The following SLC9A1 variants were observed in gnomAD, a reference collection of about 807,000 sequenced individuals.
The protein encoded by SLC9A1 is sodium/hydrogen exchanger 1.
Under a neutral mutation model 67.9 loss-of-function variants are expected in SLC9A1, and 22 were observed. That is an observed-to-expected ratio of 0.32 (90% CI 0.23 to 0.46). The LOEUF (loss-of-function observed/expected upper bound fraction) is 0.46. Ranked by LOEUF, SLC9A1 falls within the 20% of genes least tolerant of loss-of-function variation. The pLI, the probability that SLC9A1 is intolerant of heterozygous loss-of-function variation, is 1.00. For missense variants in SLC9A1, 686 were observed against 1,094.8 expected (o/e 0.63, Z 5.27); for synonymous variants, 421 against 471.8 (o/e 0.89, Z 1.40).
chr1:27,144,986 T>G (rs905647482), intron 1 of SLC9A1, among the ~76,000 whole-genome samples: 2 of 150,864 alleles, frequency 1.3e-5, no homozygotes, highest in Admixed American at 6.6e-5. Flanking sequence ...GAGGCAGAAG[T>G]TGCAGTGAGC....
intron 1 of SLC9A1, among the ~76,000 whole-genome samples, chr1:27,125,559 T>G (rs1018201184): frequency 6.8e-6 from 1 of 147,974 alleles, no homozygotes; most frequent in Non-Finnish European, 1.5e-5. Context: ...ATATCCACTC[T>G]TGCCCCCCAG....
At chr1:27,133,938 T>C (rs2083402805) in intron 1 of SLC9A1, among the ~76,000 whole-genome samples, 1 of 151,986 alleles carries the variant, frequency 6.6e-6, no homozygotes, top group Admixed American at 6.6e-5. Flanking sequence ...CTAATTTTTG[T>C]ATTTTTAGTA....
chr1:27,135,190 C>T (rs2083411788), intron 1 of SLC9A1, among the ~76,000 whole-genome samples: 2 of 152,122 alleles, frequency 1.3e-5, no homozygotes, highest in African/African-American at 4.8e-5. Context: ...GCTGGGACCA[C>T]AGGCCTGTGC....
At chr1:27,131,947 A>AAAAT in intron 1 of SLC9A1, among the ~76,000 whole-genome samples, 89 of 52,118 alleles carry the variant, frequency 1.7e-3, no homozygotes, top group Middle Eastern at 0.011. Context: ...AGAAAAAAAA[A>AAAAT]ATATATATAT....
Position 27,126,092 on chromosome 1 carries a change from T to G in SLC9A1, c.353-11806A>C, listed in dbSNP as rs185993482. ...CCTGTGCCTGAGACACTATTCCCCA[T>G]GTAGGTGAATGACAGATTCCCTCCC... On this transcript the variant is annotated intron_variant, in intron 1 of 11. Coordinates refer to ENST00000263980, the MANE Select transcript of SLC9A1 (RefSeq NM_003047.5). 3.9e-5 allele frequency among the ~76,000 whole-genome samples: 6 copies of G among 152,250 alleles called. No individual in the cohort carries two copies. In the East Asian group the frequency reaches 1.2e-3, roughly 29 times the overall value.
rs1402170163 is a variant in SLC9A1 at position 27,114,195 on chromosome 1, A to T, written c.444T>A (p.Gly148=). The T allele has an allele frequency of 1.2e-6, 2 of 1,613,940 alleles. No individual in the cohort carries two copies. Among genetic ancestry groups the T allele is most frequent in the Admixed American group, 3.3e-5 (2 of 60,014 alleles). The change falls in exon 2 of 12, where the codon GGT becomes GGA. Residue 148 remains glycine (G), a synonymous_variant. Transcript: ENST00000263980. This position sits in a 1 kb window ranked among gnomAD's most constrained non-coding sequence, Gnocchi z 5.4. The stretch of plus-strand genomic sequence containing the variant: ...GCAGGAAGGGGGGTGTCTCGCCTAC[A>T]CCCTTGATCAGGCCCCCCACCAGCA... ...VGLLVGGLIK[G]VGETPPFLQS... is the part of the protein sequence containing the mutation.
At chr1:27,148,941 A>C (rs2083507072) in intron 1 of SLC9A1, among the ~76,000 whole-genome samples, 2 of 152,194 alleles carry the variant, frequency 1.3e-5, no homozygotes, top group African/African-American at 4.8e-5. Context: ...AGCAGGGAAG[A>C]AGCAAGCTCT....
chr1:27,145,041 G>C (rs1443599544), intron 1 of SLC9A1, among the ~76,000 whole-genome samples: 8 of 137,434 alleles, frequency 5.8e-5, no homozygotes, highest in Non-Finnish European at 1.1e-4. Context: ...CAGGCGAAGA[G>C]CAAGACTCCA....
rs1254518286 is a variant in SLC9A1, at chr1:27,099,579, T to TGTGTTTTTTTGTGTGAACAAAAA, written c.*727_*728insTTTTTGTTCACACAAAAAAACAC. 2.0e-5 allele frequency: 3 copies of TGTGTTTTTTTGTGTGAACAAAAA among 152,522 alleles called. No individual in the cohort carries two copies. Among genetic ancestry groups the TGTGTTTTTTTGTGTGAACAAAAA allele is most frequent in the Non-Finnish European group, 2.9e-5 (2 of 68,106 alleles). The allele number at this position is 152,522 out of a possible 1,614,324, so 9.4% of individuals were successfully genotyped here. A position where few individuals can be genotyped will look rare whatever the true frequency, so the allele number is the denominator to read the frequency against. On this transcript the variant is annotated 3_prime_UTR_variant, in exon 12 of 12. Transcript: ENST00000263980. Reference sequence around the variant, plus strand: ...TATAGGAGTGTGAACAAACAAAACTTAAAAAGGCAGCACATTCTGGAGCCA... The same window carrying TGTGTTTTTTTGTGTGAACAAAAA: ...TATAGGAGTGTGAACAAACAAAACTTGTGTTTTTTTGTGTGAACAAAAAAAAAAGGCAGCACATTCTGGAGCCA...
At chr1:27,126,210 T>C (rs2083342904) in intron 1 of SLC9A1, among the ~76,000 whole-genome samples, 1 of 152,152 alleles carries the variant, frequency 6.6e-6, no homozygotes, top group South Asian at 2.1e-4. Context: ...GACGTCTAGA[T>C]GTGCTTTCTG....
intron 1 of SLC9A1, among the ~76,000 whole-genome samples, chr1:27,123,834 A>T (rs930373153): frequency 9.5e-5 from 13 of 136,948 alleles, no homozygotes; most frequent in African/African-American, 1.9e-4. Context: ...TTAAAAAAAA[A>T]TTTTTTTTTT....
intron 1 of SLC9A1, among the ~76,000 whole-genome samples, chr1:27,151,644 G>A (rs533765544): frequency 2.6e-5 from 4 of 152,298 alleles, no homozygotes; most frequent in South Asian, 2.1e-4. Flanking sequence ...GATTACAGGC[G>A]TGAGCCACTG....
In SLC9A1 at chr1:27,154,373, G is replaced by T; in HGVS notation, c.-39C>A. 1 of 1,422,410 alleles carries T rather than the reference G, an allele frequency of 7.0e-7. No individual in the cohort carries two copies. The highest frequency in any genetic ancestry group is 9.6e-7 in the Non-Finnish European group (1 of 1,043,384). 88.1% of individuals were successfully genotyped at this position (1,422,410 alleles called of 1,614,324 possible). A position where few individuals can be genotyped will look rare whatever the true frequency, so the allele number is the denominator to read the frequency against. On this transcript the variant is annotated 5_prime_UTR_variant, in exon 1 of 12. The change creates a premature stop within an existing upstream ORF in the 5' untranslated region. Coordinates refer to ENST00000263980, the MANE Select transcript of SLC9A1 (RefSeq NM_003047.5). The stretch of plus-strand genomic sequence containing the variant: ...GAGCCAGCCTCGACCTTACCCAAAT[G>T]AGAGTAAAACCGGGCACATAGGTAG...
rs766830880 is a variant in SLC9A1, at chr1:27,114,436, C to A, written c.353-150G>T. ...CTGCTCTGTTAACTCTCTGAGCCTC[C>A]GCTTCCTCGCCTGTAAAATGGAAGG... is the stretch of plus-strand genomic sequence containing the variant. On this transcript the variant is annotated intron_variant, in intron 1 of 11. Coordinates refer to ENST00000263980, the MANE Select transcript of SLC9A1 (RefSeq NM_003047.5). The surrounding 1 kb of genome is among the most constrained non-coding windows in gnomAD (Gnocchi z 5.4). 8.0e-6 allele frequency: 5 copies of A among 625,884 alleles called. No homozygotes were observed. The highest frequency in any genetic ancestry group is 1.4e-5 in the Non-Finnish European group (5 of 352,864). 38.8% of individuals were successfully genotyped at this position (625,884 alleles called of 1,614,324 possible). A position where few individuals can be genotyped will look rare whatever the true frequency, so the allele number is the denominator to read the frequency against.
chr1:27,130,094 C>T (rs2083374590), intron 1 of SLC9A1, among the ~76,000 whole-genome samples: 1 of 152,014 alleles, frequency 6.6e-6, no homozygotes, highest in Non-Finnish European at 1.5e-5. Context: ...GTTGGTCTTT[C>T]ATTTTGTTTG....
chr1:27,151,601 G>A lies in SLC9A1; in HGVS notation c.352+2382C>T, dbSNP rs185390597. The stretch of plus-strand genomic sequence containing the variant: ...GGTATCAAAACTCCTGACTTCAGGC[G>A]ATCCACCCTGCCTCAGCCTCCCAAA... On this transcript the variant is annotated intron_variant, in intron 1 of 11. Transcript: ENST00000263980. Among the ~76,000 whole-genome samples the A allele has an allele frequency of 3.4e-4, 52 of 152,168 alleles. 1 individual carries two copies. Among genetic ancestry groups the A allele is most frequent in the African/African-American group, 1.2e-3 (48 of 41,508 alleles).
At position 27,101,950 on chromosome 1, in the gene SLC9A1, G is replaced by T; in HGVS notation, c.1935+66C>A. ...TGCCGAGGGGCACGGGCAGGGCAGG[G>T]CTGCCGTAGAGAGGGGCTGAAGGGC... On this transcript the variant is annotated intron_variant, in intron 9 of 11. Transcript: ENST00000263980. The surrounding 1 kb of genome is among the most constrained non-coding windows in gnomAD (Gnocchi z 4.9). The T allele has an allele frequency of 6.9e-7, 1 of 1,451,130 alleles. No individual in the cohort carries two copies. Among genetic ancestry groups the T allele is most frequent in the Non-Finnish European group, 9.7e-7 (1 of 1,035,558 alleles). The allele number at this position is 1,451,130 out of a possible 1,614,324, so 89.9% of individuals were successfully genotyped here.
Position 27,100,209 on chromosome 1 carries a change from G to T in SLC9A1, c.*98C>A. 1 of 890,172 alleles carries T rather than the reference G, an allele frequency of 1.1e-6. No homozygotes were observed. The highest frequency in any genetic ancestry group is 1.6e-6 in the Non-Finnish European group (1 of 608,326). The allele number at this position is 890,172 out of a possible 1,614,324, so 55.1% of individuals were successfully genotyped here. On this transcript the variant is annotated 3_prime_UTR_variant, in exon 12 of 12. Transcript: ENST00000263980. The surrounding 1 kb of genome is among the most constrained non-coding windows in gnomAD (Gnocchi z 5.6). ...TGCCATGCGGTAGGGGGAGGGGCAGGGCCAATCCGGGTCAGGAAGGGCAAG... is the reference window on the plus strand; with the variant it reads ...TGCCATGCGGTAGGGGGAGGGGCAGTGCCAATCCGGGTCAGGAAGGGCAAG...
rs1307410033 is a variant in SLC9A1 at position 27,118,590 on chromosome 1, T to G, written c.353-4304A>C. ...CTGGTACCCTGACAAAAGCCCTGCA[T>G]GGAGGCAAGATCCCAGGATGCCAAG... On this transcript the variant is annotated intron_variant, in intron 1 of 11. Coordinates refer to ENST00000263980, the MANE Select transcript of SLC9A1 (RefSeq NM_003047.5). This position sits in a 1 kb window ranked among gnomAD's most constrained non-coding sequence, Gnocchi z 4.3. Among the ~76,000 whole-genome samples the G allele has an allele frequency of 6.6e-6, 1 of 152,090 alleles. No individual in the cohort carries two copies. Among genetic ancestry groups the G allele is most frequent in the Non-Finnish European group, 1.5e-5 (1 of 68,008 alleles).
Sources: allele counts gnomAD v4.1 joint callset (sites outside exome capture counted in the v4.1 genomes callset), GRCh38; gene constraint gnomAD v4.1.1; non-coding constraint Gnocchi (gnomAD v3.1); transcripts MANE v1.5; gene names NCBI Gene and HGNC (gene_info 2026-07-23, HGNC 2026-07-21).